The following ADA2 variants were observed in gnomAD, a reference collection of about 807,000 sequenced individuals.
The protein encoded by ADA2 is adenosine deaminase 2.
Under a neutral mutation model 44.2 loss-of-function variants are expected in ADA2, and 29 were observed. The observed-to-expected ratio is 0.66, with a 90% CI of 0.49 to 0.89. ADA2 has a LOEUF of 0.89. Ranked by LOEUF, ADA2 falls within the 40% of genes least tolerant of loss-of-function variation. ADA2 has a pLI of 0.00. For synonymous variants in ADA2, 215 were observed against 234.9 expected (o/e 0.92, Z 0.77); for missense variants, 637 against 644.8 (o/e 0.99, Z 0.13).
At chr22:17,219,829 C>G (rs549770561), upstream of ADA2, among the ~76,000 whole-genome samples, 57 of 152,100 alleles carry the variant, frequency 3.7e-4, no homozygotes, top group African/African-American at 1.3e-3. Context: ...CGTGCGCCAC[C>G]ATGCCCCACT....
chr22:17,191,597 G>T, intron 5 of ADA2, 86 bp downstream of exon 5: 1 of 1,031,314 alleles, frequency 9.7e-7, no homozygotes. Flanking sequence ...TCCCAGCCCC[G>T]CTTCTCACCC....
chr22:17,181,194 T>C lies in ADA2; in HGVS notation c.*289A>G, dbSNP rs2061964323. The C allele has an allele frequency of 8.5e-6, 3 of 351,710 alleles. No homozygotes were observed. The highest frequency in any genetic ancestry group is 6.2e-5 in the East Asian group (1 of 16,218). 21.8% of individuals were successfully genotyped at this position (351,710 alleles called of 1,614,324 possible). A position where few individuals can be genotyped will look rare whatever the true frequency, so the allele number is the denominator to read the frequency against. On this transcript the variant is annotated 3_prime_UTR_variant, in exon 10 of 10. Coordinates refer to ENST00000399837, the MANE Select transcript of ADA2 (RefSeq NM_001282225.2). ...ACCAGAATAGAAGAGAGCCCAGGAC[T>C]GAGTCCTGAGGAAACAGCACAGAGA...
chr22:17,215,475 G>A (rs190961333), intron 1 of ADA2, among the ~76,000 whole-genome samples: 28 of 151,942 alleles, frequency 1.8e-4, no homozygotes, highest in Non-Finnish European at 3.1e-4. Flanking sequence ...GCGTGGTGGC[G>A]GATGCCTGTA....
chr22:17,206,391 AGGCTGCTGTGAGCCAAGATC>A (rs2062353809), intron 3 of ADA2, among the ~76,000 whole-genome samples: 2 of 25,400 alleles, frequency 7.9e-5, no homozygotes, highest in Non-Finnish European at 2.4e-4. Context: ...CGGGAGGCAG[AGGCTGCTGTGAGCCAAGATC>A]AGGCTGCTGT....
At chr22:17,199,410 A>T in intron 4 of ADA2, 2 of 159,450 alleles carry the variant, frequency 1.3e-5, no homozygotes, top group South Asian at 1.3e-4. Flanking sequence ...CCTCTGTCTC[A>T]GCGTCTCCTC....
chr22:17,189,930 A>G lies in ADA2; in HGVS notation c.972+12T>C. 6.2e-7 allele frequency: 1 copy of G among 1,602,226 alleles called. No homozygotes were observed. Among genetic ancestry groups the G allele is most frequent in the Non-Finnish European group, 8.6e-7 (1 of 1,169,122 alleles). ...CTTAACAGGCAGCCCTTCTGTTCAC[A>G]GCATGGGTTACCAGGTCAAACCCTG... On this transcript the variant is annotated intron_variant, in intron 6 of 9. Coordinates refer to ENST00000399837, the MANE Select transcript of ADA2 (RefSeq NM_001282225.2).
intron 7 of ADA2, among the ~76,000 whole-genome samples, chr22:17,187,199 T>C (rs1014780929): frequency 5.3e-5 from 8 of 152,108 alleles, no homozygotes; most frequent in Non-Finnish European, 8.8e-5. Context: ...TTTTCCTTTT[T>C]GTGTAGAATG....
At chr22:17,214,039 CAAAAAAA>C in intron 1 of ADA2, 31 of 283,980 alleles carry the variant, frequency 1.1e-4, no homozygotes, top group South Asian at 1.3e-4. Context: ...AACTCTGTCT[CAAAAAAA>C]AAAAAAAAAA....
chr22:17,199,255 G>A (rs1172314310), intron 4 of ADA2, among the ~76,000 whole-genome samples: 2 of 152,100 alleles, frequency 1.3e-5, no homozygotes, highest in Non-Finnish European at 2.9e-5. Context: ...CTCCACCTCC[G>A]GCTCTGGAAG....
intron 6 of ADA2, 78 bp from the exon 7 acceptor site, chr22:17,188,525 C>T: frequency 1.1e-6 from 1 of 886,086 alleles, no homozygotes; most frequent in Non-Finnish European, 1.8e-6. Flanking sequence ...GGAGCCTGTG[C>T]ACACCCTTCC....
intron 4 of ADA2, chr22:17,193,362 A>G (rs1196767409): frequency 7.5e-6 from 2 of 267,822 alleles, no homozygotes; most frequent in Non-Finnish European, 1.3e-5. Context: ...AAACTGCAAA[A>G]AAAAAAAAAA....
chr22:17,208,462 T>C (rs950328003), intron 2 of ADA2, among the ~76,000 whole-genome samples: 1 of 142,608 alleles, frequency 7.0e-6, no homozygotes, highest in African/African-American at 2.6e-5. Flanking sequence ...AAAAAACAGG[T>C]GTTAAGTCTT....
At chr22:17,186,802 G>A (rs2062040843) in intron 7 of ADA2, among the ~76,000 whole-genome samples, 1 of 151,812 alleles carries the variant, frequency 6.6e-6, no homozygotes, top group African/African-American at 2.4e-5. Context: ...CCGGGAGGCA[G>A]AGGTTGCAGT....
chr22:17,181,673 C>T (rs1384067606), intron 9 of ADA2, 97 bp from the exon 10 acceptor site: 1 of 1,087,978 alleles, frequency 9.2e-7, no homozygotes, highest in African/African-American at 1.5e-5. Context: ...AGAGCACTCT[C>T]CCCAGGCCAG....
At chr22:17,197,475 T>C (rs2062207550) in intron 4 of ADA2, among the ~76,000 whole-genome samples, 1 of 152,078 alleles carries the variant, frequency 6.6e-6, no homozygotes, top group Non-Finnish European at 1.5e-5. Flanking sequence ...TTTGCCATGT[T>C]GCCTAGGCTG....
intron 4 of ADA2, among the ~76,000 whole-genome samples, chr22:17,202,772 T>TCTTTC (rs1286473910): frequency 7.0e-6 from 1 of 143,384 alleles, no homozygotes; most frequent in Non-Finnish European, 1.5e-5. Context: ...TTCCTTTCTT[T>TCTTTC]CTTTTTTTTT....
At chr22:17,186,017 C>T (rs548575612) in intron 7 of ADA2, among the ~76,000 whole-genome samples, 2 of 152,264 alleles carry the variant, frequency 1.3e-5, no homozygotes, top group African/African-American at 2.4e-5. Flanking sequence ...GATGACTGAG[C>T]GAGCCCAAGG....
At chr22:17,187,758 T>C (rs906207986) in intron 7 of ADA2, among the ~76,000 whole-genome samples, 1 of 151,602 alleles carries the variant, frequency 6.6e-6, no homozygotes, top group Non-Finnish European at 1.5e-5. Context: ...GTTTGGAGCC[T>C]TGGGCTCTTC....
intron 4 of ADA2, among the ~76,000 whole-genome samples, chr22:17,193,694 AG>A (rs1384123998): frequency 2.0e-5 from 3 of 150,088 alleles, no homozygotes; most frequent in African/African-American, 7.3e-5. Context: ...AAAAAAAAAA[AG>A]ATGTGGGAAT....
Sources: allele counts gnomAD v4.1 joint callset (sites outside exome capture counted in the v4.1 genomes callset), GRCh38; gene constraint gnomAD v4.1.1; transcripts MANE v1.5; gene names NCBI Gene and HGNC (gene_info 2026-07-23, HGNC 2026-07-21).